DIAPH3: variants seen among roughly 807,000 people sequenced by gnomAD.
DIAPH3 encodes diaphanous related formin 3.
In DIAPH3, 117 loss-of-function variants were observed where a neutral mutation model predicts 144.3. The observed-to-expected ratio is 0.81, with a 90% CI of 0.70 to 0.95. DIAPH3 has a LOEUF of 0.95. Ranked by LOEUF, DIAPH3 falls within the 40% of genes least tolerant of loss-of-function variation. DIAPH3 has a pLI of 0.00. For missense variants in DIAPH3, 1,421 were observed against 1,412.7 expected (o/e 1.01, Z -0.09); for synonymous variants, 519 against 488.9 (o/e 1.06, Z -0.81).
chr13:59,754,713 G>A lies in DIAPH3; in HGVS notation c.3319+19476C>T, dbSNP rs1377788148. 2.0e-5 allele frequency among the ~76,000 whole-genome samples: 3 copies of A among 152,312 alleles called. No homozygotes were observed. In the East Asian group the frequency reaches 5.8e-4, roughly 29 times the overall value. ...TAGTCACTGAAGAAGGTAGATCTGA[G>A]ACTAATCATCCTTTTGTCACTTGGA... On this transcript the variant is annotated intron_variant, in intron 27 of 27. Coordinates refer to ENST00000400324, the MANE Select transcript of DIAPH3 (RefSeq NM_001042517.2).
intron 17 of DIAPH3, among the ~76,000 whole-genome samples, chr13:59,944,035 G>A (rs2048679369): frequency 6.6e-6 from 1 of 151,962 alleles, no homozygotes; most frequent in Admixed American, 6.6e-5. Flanking sequence ...AACATGGCAA[G>A]ACCATGTCTC....
intron 27 of DIAPH3, among the ~76,000 whole-genome samples, chr13:59,740,160 T>C (rs2036376718): frequency 6.6e-6 from 1 of 152,226 alleles, no homozygotes; most frequent in South Asian, 2.1e-4. Context: ...TTCGAGGTTA[T>C]GGTACAGAAT....
At chr13:59,858,986 C>A (rs2043414721) in intron 22 of DIAPH3, among the ~76,000 whole-genome samples, 1 of 152,058 alleles carries the variant, frequency 6.6e-6, no homozygotes, top group Non-Finnish European at 1.5e-5. Context: ...CTTTTTAATT[C>A]ATGTGATAGC....
At chr13:59,799,375 G>GCA (rs56979042) in intron 25 of DIAPH3, among the ~76,000 whole-genome samples, 6,517 of 139,252 alleles carry the variant, frequency 0.047, 149 homozygotes, top group African/African-American at 0.056. Context: ...CTGGAAATAT[G>GCA]CACACACACA....
intron 9 of DIAPH3, among the ~76,000 whole-genome samples, chr13:59,997,956 A>G (rs374961473): frequency 6.6e-6 from 1 of 152,136 alleles, no homozygotes; most frequent in African/African-American, 2.4e-5. Flanking sequence ...AAAGCTTATT[A>G]TCTGGGCCTG....
intron 4 of DIAPH3, among the ~76,000 whole-genome samples, chr13:60,084,981 T>C (rs1220340760): frequency 6.6e-6 from 1 of 152,218 alleles, no homozygotes; most frequent in Non-Finnish European, 1.5e-5. Flanking sequence ...ATAGAATTTA[T>C]GCCCTTTAGG....
At chr13:59,996,822 T>C (rs977702598) in intron 9 of DIAPH3, among the ~76,000 whole-genome samples, 9 of 151,992 alleles carry the variant, frequency 5.9e-5, no homozygotes, top group African/African-American at 2.2e-4. Flanking sequence ...AACAACAAGA[T>C]AGAGGAACAT....
intron 13 of DIAPH3, among the ~76,000 whole-genome samples, chr13:59,982,407 C>T (rs2140705396): frequency 6.6e-6 from 1 of 151,352 alleles, no homozygotes; most frequent in African/African-American, 2.4e-5. Context: ...ATTTCTGCTT[C>T]CTCTTCCCAC....
chr13:60,004,306 C>T (rs540560241), intron 9 of DIAPH3, among the ~76,000 whole-genome samples: 4 of 152,084 alleles, frequency 2.6e-5, no homozygotes, highest in Non-Finnish European at 4.4e-5. Context: ...AGCCAGCCAC[C>T]TCAAAATTTA....
rs372165377 is a variant in DIAPH3 at position 59,804,585 on chromosome 13, AGTTGTT to A, written c.3163+6197_3163+6202del. Among the ~76,000 whole-genome samples the A allele has an allele frequency of 4.9e-4, 74 of 152,082 alleles. 1 individual carries two copies. Among genetic ancestry groups the A allele is most frequent in the Non-Finnish European group, 3.7e-4 (25 of 67,926 alleles). On this transcript the variant is annotated intron_variant, in intron 25 of 27. Transcript: ENST00000400324. ...AATAAATGCCAGCAGTAGTAGTAGC[AGTTGTT>A]GTTGTTGTTGTTGTTGTTACAATGT... is the stretch of plus-strand genomic sequence containing the variant.
At chr13:60,074,979 A>G (rs142193331) in intron 4 of DIAPH3, among the ~76,000 whole-genome samples, 103 of 152,304 alleles carry the variant, frequency 6.8e-4, no homozygotes, top group East Asian at 2.3e-3. Context: ...AGCTATTCTT[A>G]TAAAATAGGT....
chr13:60,144,410 G>A lies in DIAPH3; in HGVS notation c.181-11421C>T, dbSNP rs936321034. On this transcript the variant is annotated intron_variant, in intron 1 of 27. Transcript: ENST00000400324. ...AAGAAATCTCCAAAGATCCCCACAT[G>A]TAAACAAGGTAGACACCTGTGGGTG... 8.2e-4 allele frequency among the ~76,000 whole-genome samples: 125 copies of A among 152,156 alleles called. 1 individual carries two copies. Among genetic ancestry groups the A allele is most frequent in the African/African-American group, 2.9e-3 (120 of 41,436 alleles).
At chr13:60,035,978 A>G (rs2055179961) in intron 5 of DIAPH3, among the ~76,000 whole-genome samples, 1 of 152,152 alleles carries the variant, frequency 6.6e-6, no homozygotes, top group African/African-American at 2.4e-5. Context: ...GCCAGGGACC[A>G]TAACTATAGC....
intron 3 of DIAPH3, among the ~76,000 whole-genome samples, chr13:60,097,850 G>T (rs542913482): frequency 2.0e-5 from 3 of 152,106 alleles, no homozygotes; most frequent in South Asian, 4.2e-4. Flanking sequence ...AGCATGAGGG[G>T]TATGGTATTA....
chr13:59,716,544 A>G (rs1017328512), intron 27 of DIAPH3, among the ~76,000 whole-genome samples: 3 of 152,220 alleles, frequency 2.0e-5, no homozygotes, highest in African/African-American at 4.8e-5. Context: ...GGTACCTCTC[A>G]TGGAGACATG....
At chr13:59,694,092 T>C (rs1176652054) in intron 27 of DIAPH3, among the ~76,000 whole-genome samples, 1 of 152,152 alleles carries the variant, frequency 6.6e-6, no homozygotes, top group Non-Finnish European at 1.5e-5. Context: ...AGGACAGATA[T>C]GAAAGATATT....
At chr13:60,076,398 A>G (rs79782531) in intron 4 of DIAPH3, among the ~76,000 whole-genome samples, 286 of 152,298 alleles carry the variant, frequency 1.9e-3, no homozygotes, top group African/African-American at 6.3e-3. Context: ...TTCAAAGTAG[A>G]TGACAGGCTA....
At position 59,678,636 on chromosome 13, in the gene DIAPH3, TA is replaced by T. The variant is rs2032771314; in HGVS notation, c.3320-11791del. Among the ~76,000 whole-genome samples, 4 of 152,346 alleles carry T rather than the reference TA, an allele frequency of 2.6e-5. No individual in the cohort carries two copies. In the East Asian group the frequency reaches 7.7e-4, roughly 29 times the overall value. On this transcript the variant is annotated intron_variant, in intron 27 of 27. Transcript: ENST00000400324. The stretch of plus-strand genomic sequence containing the variant: ...TCCATTCCGAAAAAGAAATTGGTTT[TA>T]AAGGTAATTCAGAAAACATCTGTTC...
intron 27 of DIAPH3, among the ~76,000 whole-genome samples, chr13:59,674,819 T>C (rs763169509): frequency 1.3e-5 from 2 of 152,222 alleles, no homozygotes; most frequent in Admixed American, 6.5e-5. Flanking sequence ...CTATCTGTTA[T>C]TGACAGCTGT....
Sources: allele counts gnomAD v4.1 joint callset (sites outside exome capture counted in the v4.1 genomes callset), GRCh38; gene constraint gnomAD v4.1.1; transcripts MANE v1.5; gene names NCBI Gene and HGNC (gene_info 2026-07-23, HGNC 2026-07-21).